C13orf42: variants seen among roughly 807,000 people sequenced by gnomAD.
C13orf42 encodes chromosome 13 open reading frame 42.
intron 1 of C13orf42, among the ~76,000 whole-genome samples, chr13:51,119,126 C>T (rs866472904): frequency 1.5e-4 from 22 of 151,708 alleles, no homozygotes; most frequent in Middle Eastern, 3.2e-3. Context: ...AGGCGTATGG[C>T]ATGCCCAGGT....
intron 1 of C13orf42, among the ~76,000 whole-genome samples, chr13:51,149,405 A>G (rs916731055): frequency 2.0e-5 from 3 of 152,180 alleles, no homozygotes; most frequent in Non-Finnish European, 2.9e-5. Context: ...ATGTTTGCAA[A>G]GGAAACCTAG....
At chr13:51,146,870 T>A (rs992904087) in intron 1 of C13orf42, among the ~76,000 whole-genome samples, 1 of 152,194 alleles carries the variant, frequency 6.6e-6, no homozygotes, top group Non-Finnish European at 1.5e-5. Flanking sequence ...CCTTTCACAT[T>A]GCCCAGAGCT....
At chr13:51,107,503 C>T (rs780623703) in intron 1 of C13orf42, among the ~76,000 whole-genome samples, 4 of 152,150 alleles carry the variant, frequency 2.6e-5, no homozygotes, top group Non-Finnish European at 5.9e-5. Flanking sequence ...TATCTTACCA[C>T]AAAAGAGGGA....
At chr13:51,137,141 A>T (rs567560184) in intron 1 of C13orf42, among the ~76,000 whole-genome samples, 2 of 152,328 alleles carry the variant, frequency 1.3e-5, no homozygotes, top group South Asian at 4.1e-4. Context: ...AACTAAAGAG[A>T]GTGCATGTGG....
chr13:51,160,228 G>C (rs913142540), intron 1 of C13orf42, among the ~76,000 whole-genome samples: 1 of 152,216 alleles, frequency 6.6e-6, no homozygotes, highest in Non-Finnish European at 1.5e-5. Flanking sequence ...AATTTGATTT[G>C]TGGGACGAGA....
intron 1 of C13orf42, among the ~76,000 whole-genome samples, chr13:51,143,245 G>T (rs1242828397): frequency 6.6e-6 from 1 of 152,206 alleles, no homozygotes; most frequent in South Asian, 2.1e-4. Flanking sequence ...CACAGGGCAA[G>T]AAATGAAAGC....
intron 2 of C13orf42, among the ~76,000 whole-genome samples, chr13:51,086,251 G>A (rs1953123879): frequency 6.7e-6 from 1 of 149,986 alleles, no homozygotes; most frequent in African/African-American, 2.5e-5. Context: ...AGCTTGCAGT[G>A]AGCTGAGATC....
intron 1 of C13orf42, among the ~76,000 whole-genome samples, chr13:51,101,397 G>GA (rs923228100): frequency 1.6e-4 from 25 of 151,988 alleles, no homozygotes; most frequent in African/African-American, 3.6e-4. Flanking sequence ...TTTATTATCA[G>GA]AAAAAAATGT....
intron 1 of C13orf42, among the ~76,000 whole-genome samples, chr13:51,148,868 C>T (rs1406325138): frequency 3.9e-5 from 6 of 152,216 alleles, no homozygotes; most frequent in Admixed American, 3.9e-4. Flanking sequence ...GGCTGCCCAC[C>T]TCAAAGGCTC....
chr13:51,133,740 A>C (rs1953636697), intron 1 of C13orf42, among the ~76,000 whole-genome samples: 1 of 152,116 alleles, frequency 6.6e-6, no homozygotes, highest in Admixed American at 6.5e-5. Flanking sequence ...GGGCCTCCCC[A>C]GTGGCTGTCA....
At chr13:51,165,116 G>A (rs1476154956) in intron 1 of C13orf42, among the ~76,000 whole-genome samples, 1 of 152,150 alleles carries the variant, frequency 6.6e-6, no homozygotes, top group African/African-American at 2.4e-5. Context: ...TTTGGACTCT[G>A]TCAGTGAGAT....
chr13:51,087,231 T>C (rs1953138083), intron 2 of C13orf42, among the ~76,000 whole-genome samples: 1 of 152,088 alleles, frequency 6.6e-6, no homozygotes, highest in African/African-American at 2.4e-5. Flanking sequence ...CACGCCTTGG[T>C]GAGGAGGGAA....
chr13:51,111,150 C>G lies in C13orf42; in HGVS notation c.60G>C (p.Glu20Asp), dbSNP rs1008119221. The G allele has an allele frequency of 2.5e-6, 1 of 398,496 alleles. No individual in the cohort carries two copies. Among genetic ancestry groups the G allele is most frequent in the Non-Finnish European group, 4.4e-6 (1 of 226,076 alleles). 24.7% of individuals were successfully genotyped at this position (398,496 alleles called of 1,614,324 possible). The change falls in exon 1 of 4, where the codon GAG becomes GAC. Residue 20 changes from glutamate to aspartate, a missense_variant. Glu to Asp is a conservative substitution (Grantham distance 45, BLOSUM62 2). Transcript: ENST00000563710. ...GGCTGGCTCCTTCGTAGAAGGGGCT[C>G]TCGGCCGCCGTCTTTCTCTGTGGGC... ...NSSPQRKTAA[E>D]SPFYEGASPA...
chr13:51,156,213 A>T (rs559026989), intron 1 of C13orf42, among the ~76,000 whole-genome samples: 12 of 152,328 alleles, frequency 7.9e-5, no homozygotes, highest in African/African-American at 2.6e-4. Flanking sequence ...GGTAGGGAGC[A>T]AACAGTTTGG....
At chr13:51,119,155 T>C (rs1173812783) in intron 1 of C13orf42, among the ~76,000 whole-genome samples, 1 of 152,058 alleles carries the variant, frequency 6.6e-6, no homozygotes, top group Non-Finnish European at 1.5e-5. Flanking sequence ...TGCCTGGGTG[T>C]ACAGTATGCC....
chr13:51,087,907 C>T, intron 2 of C13orf42, 21 bp downstream of exon 2: 1 of 399,332 alleles, frequency 2.5e-6, no homozygotes, highest in Non-Finnish European at 4.4e-6. Context: ...ACCATCTTCC[C>T]ACTGCCTTCC....
intron 1 of C13orf42, among the ~76,000 whole-genome samples, chr13:51,119,635 C>A (rs933650022): frequency 6.6e-6 from 1 of 152,214 alleles, no homozygotes; most frequent in South Asian, 2.1e-4. Flanking sequence ...CATGATGCGA[C>A]GTGAAATAAG....
At chr13:51,170,231 A>T (rs1389937155) in intron 1 of C13orf42, among the ~76,000 whole-genome samples, 5 of 152,148 alleles carry the variant, frequency 3.3e-5, no homozygotes, top group Non-Finnish European at 7.3e-5. Context: ...TTTCGGACTC[A>T]GCCTGCCTGC....
chr13:51,114,782 T>C (rs1008736429), upstream of C13orf42, among the ~76,000 whole-genome samples: 2 of 152,208 alleles, frequency 1.3e-5, no homozygotes, highest in South Asian at 2.1e-4. Flanking sequence ...TGTGCAGATA[T>C]GTAGGATGAA....
Sources: allele counts gnomAD v4.1 joint callset (sites outside exome capture counted in the v4.1 genomes callset), GRCh38; gene constraint gnomAD v4.1.1; transcripts MANE v1.5; gene names NCBI Gene and HGNC (gene_info 2026-07-23, HGNC 2026-07-21).